The following COX7A2 variants were observed in gnomAD, a reference collection of about 807,000 sequenced individuals.
The protein encoded by COX7A2 is cytochrome c oxidase subunit 7A2.
Under a neutral mutation model 11.6 loss-of-function variants are expected in COX7A2, and 11 were observed. That is an observed-to-expected ratio of 0.95 (90% CI 0.60 to 1.57). The LOEUF is 1.57. Among genes scored for constraint, COX7A2 ranks in the 40% most tolerant of loss-of-function variants. The pLI is 0.00. For missense variants in COX7A2, 106 were observed against 100.9 expected (o/e 1.05, Z -0.22); for synonymous variants, 30 against 38.2 (o/e 0.78, Z 0.79).
In COX7A2 at chr6:75,238,177, T is replaced by C. The variant is rs73450110; in HGVS notation, c.194-189A>G. ...TAAAATATATTTAATCTAGTTTTAA[T>C]ATAGAAAGTGTGGCACAATAATATA... On this transcript the variant is annotated intron_variant, in intron 3 of 3. Coordinates refer to ENST00000684430, the MANE Select transcript of COX7A2 (RefSeq NM_001366293.2). Among the ~76,000 whole-genome samples, 420 of 152,140 alleles carry C rather than the reference T, an allele frequency of 2.8e-3. 1 individual carries two copies. Among genetic ancestry groups the C allele is most frequent in the African/African-American group, 9.7e-3 (403 of 41,532 alleles).
intron 1 of COX7A2, among the ~76,000 whole-genome samples, chr6:75,242,534 A>T (rs973086024): frequency 2.0e-5 from 3 of 151,860 alleles, no homozygotes; most frequent in African/African-American, 4.8e-5. Context: ...ATAAAAAAAT[A>T]AAAAAGGCCG....
At chr6:75,239,613 T>C (rs989677778) in intron 3 of COX7A2, among the ~76,000 whole-genome samples, 3 of 152,224 alleles carry the variant, frequency 2.0e-5, no homozygotes, top group African/African-American at 7.2e-5. Context: ...GTCATAAATA[T>C]GTCTGTACAA....
intron 3 of COX7A2, among the ~76,000 whole-genome samples, chr6:75,238,510 C>G (rs957837253): frequency 9.2e-5 from 14 of 151,806 alleles, no homozygotes; most frequent in African/African-American, 3.1e-4. Context: ...GAGTTCGAGA[C>G]CAGCCTCAAC....
chr6:75,245,736 A>T (rs1309874169), upstream of COX7A2, among the ~76,000 whole-genome samples: 1 of 152,112 alleles, frequency 6.6e-6, no homozygotes, highest in Admixed American at 6.5e-5. Flanking sequence ...GCAGGCTTTT[A>T]CTGCTCTTGT....
rs773303765 is a variant in COX7A2, at chr6:75,243,790, C to T, written c.-56G>A. On this transcript the variant is annotated 5_prime_UTR_variant, in exon 1 of 4. Transcript: ENST00000684430. ...ACTGAACACCACCAACGAAAATGGC[C>T]ACGCCGGAACCGGAACTACCTCCGA... The T allele has an allele frequency of 1.2e-6, 2 of 1,614,134 alleles. No homozygotes were observed. Among genetic ancestry groups the T allele is most frequent in the Admixed American group, 1.7e-5 (1 of 60,030 alleles).
chr6:75,247,344 C>T (rs992315878), upstream of COX7A2, among the ~76,000 whole-genome samples: 5 of 151,948 alleles, frequency 3.3e-5, no homozygotes, highest in Admixed American at 6.6e-5. Context: ...TGTGTGTGTG[C>T]GTACACACAT....
At chr6:75,239,395 G>T (rs983831490) in intron 3 of COX7A2, among the ~76,000 whole-genome samples, 1 of 152,176 alleles carries the variant, frequency 6.6e-6, no homozygotes, top group African/African-American at 2.4e-5. Flanking sequence ...GATTGTTGTG[G>T]TGTGAGAGTA....
upstream of COX7A2, among the ~76,000 whole-genome samples, chr6:75,248,795 G>A (rs905595970): frequency 2.6e-5 from 4 of 152,054 alleles, no homozygotes; most frequent in African/African-American, 9.7e-5. Context: ...TACACGCAAG[G>A]GAATATTGTT....
At chr6:75,249,509 T>A (rs907670841) in intron 1 of COX7A2, among the ~76,000 whole-genome samples, 1 of 152,224 alleles carries the variant, frequency 6.6e-6, no homozygotes, top group Non-Finnish European at 1.5e-5. Context: ...TATACCTCAG[T>A]TTCTCTTGTC....
upstream of COX7A2, among the ~76,000 whole-genome samples, chr6:75,244,536 C>T (rs551413132): frequency 1.2e-3 from 180 of 152,276 alleles, 1 homozygote; most frequent in African/African-American, 4.1e-3. Context: ...ATTTGTTGTA[C>T]AGAAAGGCTG....
exon 1 of COX7A2, chr6:75,250,088 T>C (rs1045814369): frequency 1.3e-5 from 2 of 152,202 alleles, no homozygotes; most frequent in African/African-American, 2.4e-5. Flanking sequence ...TTCACAGTAA[T>C]GAGGAATGTA....
rs2149510782 is a variant in COX7A2 at position 75,241,237 on chromosome 6, A to G, written c.47T>C (p.Ile16Thr). ...AAAATGCCTGCGGGAAGCAGTGCTTATCGTCCTCTGCCCAATCTGACGAAG... is the reference window on the plus strand; with the variant it reads ...AAAATGCCTGCGGGAAGCAGTGCTTGTCGTCCTCTGCCCAATCTGACGAAG... ...LALRQIGQRT[I>T]STASRRHFKN... The change falls in exon 2 of 4, where the codon ATA (isoleucine) becomes ACA (threonine). Residue 16 changes from isoleucine (I) to threonine (T), a missense_variant. Ile to Thr is a moderately conservative substitution (Grantham distance 89). Coordinates refer to ENST00000684430, the MANE Select transcript of COX7A2 (RefSeq NM_001366293.2). 2 of 1,580,710 alleles carry G rather than the reference A, an allele frequency of 1.3e-6. No homozygotes were observed. The highest frequency in any genetic ancestry group is 1.7e-6 in the Non-Finnish European group (2 of 1,155,768).
Position 75,237,985 on chromosome 6 carries a change from G to A in COX7A2, c.197C>T (p.Thr66Ile), listed in dbSNP as rs768203385. The A allele has an allele frequency of 3.3e-6, 5 of 1,527,794 alleles. No homozygotes were observed. The highest frequency in any genetic ancestry group is 2.3e-5 in the East Asian group (1 of 43,780). The allele number at this position is 1,527,794 out of a possible 1,614,324, so 94.6% of individuals were successfully genotyped here. Residue 66 changes from threonine to isoleucine, a missense_variant, in exon 4 of 4, where the codon ACA (threonine) becomes ATA (isoleucine). Thr to Ile is a moderately conservative substitution (Grantham distance 89). Coordinates refer to ENST00000684430, the MANE Select transcript of COX7A2 (RefSeq NM_001366293.2). ...AGCCAGCTCATATATGGCATATGCT[G>A]TTCCTAAAAATAAAAAACAAAAAAG... ...RATMILTVGG[T>I]AYAIYELAVA...
chr6:75,247,574 TCA>T (rs1284236675), upstream of COX7A2, among the ~76,000 whole-genome samples: 8 of 110,722 alleles, frequency 7.2e-5, no homozygotes, highest in East Asian at 5.7e-4. Context: ...ATTGCAAGCC[TCA>T]GTCTTTTCAT....
intron 1 of COX7A2, among the ~76,000 whole-genome samples, chr6:75,241,532 TGAACA>T (rs1463746135): frequency 6.6e-6 from 1 of 152,224 alleles, no homozygotes; most frequent in Non-Finnish European, 1.5e-5. Flanking sequence ...GATCTCTACC[TGAACA>T]GAACCAGTAG....
chr6:75,243,564 G>A (rs1190868559), intron 1 of COX7A2, among the ~76,000 whole-genome samples, 153 bp downstream of exon 1: 1 of 152,088 alleles, frequency 6.6e-6, no homozygotes, highest in Non-Finnish European at 1.5e-5. Flanking sequence ...TAGACGGAAG[G>A]GAAAGTAAGG....
intron 1 of COX7A2, among the ~76,000 whole-genome samples, chr6:75,242,200 C>CA (rs754113298): frequency 0.023 from 3,332 of 141,896 alleles, 58 homozygotes; most frequent in Middle Eastern, 0.03. Context: ...AACTCCATCT[C>CA]AAAAAAAAAA....
chr6:75,247,186 A>G (rs898614773), upstream of COX7A2, among the ~76,000 whole-genome samples: 1 of 152,058 alleles, frequency 6.6e-6, no homozygotes, highest in Non-Finnish European at 1.5e-5. Flanking sequence ...ATGCAAAGTT[A>G]CCAGAGGACA....
rs1489687643 is a variant in COX7A2 at position 75,238,092 on chromosome 6, T to C, written c.194-104A>G. On this transcript the variant is annotated intron_variant, in intron 3 of 3. Transcript: ENST00000684430. ...GTTGTAAGTTTGCATTAAGACTACC[T>C]TAATTGGAACACAAAAAAGTATTTT... is the stretch of plus-strand genomic sequence containing the variant. The C allele has an allele frequency of 4.9e-6, 3 of 616,096 alleles. No individual in the cohort carries two copies. In the Admixed American group the frequency reaches 1.1e-4, roughly 23 times the overall value. The allele number at this position is 616,096 out of a possible 1,614,324, so 38.2% of individuals were successfully genotyped here.
Sources: gnomAD v4.1 joint callset for allele counts (sites outside exome capture counted in the v4.1 genomes callset) on GRCh38, gnomAD v4.1.1 for gene constraint, MANE v1.5 for transcripts, NCBI Gene and HGNC (gene_info 2026-07-23, HGNC 2026-07-21) for gene names.